Variants in SH3GL2 observed in about 807,000 individuals in gnomAD.
SH3GL2 encodes the protein endophilin-A1.
SH3GL2 carries 24 observed loss-of-function variants against 46.0 expected under a neutral mutation model. That is an observed-to-expected ratio of 0.52 (90% CI 0.38 to 0.73). SH3GL2 has a LOEUF of 0.73. SH3GL2 is among the 30% of genes least tolerant of loss of function. SH3GL2 has a pLI of 0.00. For missense variants in SH3GL2, 413 were observed against 424.2 expected (o/e 0.97, Z 0.23); for synonymous variants, 196 against 147.1 (o/e 1.33, Z -2.40).
chr9:17,751,562 G>T (rs139174946), intron 2 of SH3GL2, among the ~76,000 whole-genome samples: 1 of 151,004 alleles, frequency 6.6e-6, no homozygotes, highest in Non-Finnish European at 1.5e-5. Flanking sequence ...TGACCCCCTT[G>T]TTCCCACCGC....
intron 1 of SH3GL2, among the ~76,000 whole-genome samples, chr9:17,611,110 T>C (rs1588171626): frequency 6.6e-6 from 1 of 152,224 alleles, no homozygotes. Flanking sequence ...TCTTTAATTT[T>C]TGATGTTCAT....
intron 2 of SH3GL2, among the ~76,000 whole-genome samples, chr9:17,754,384 G>T (rs1309319017): frequency 6.6e-6 from 1 of 152,022 alleles, no homozygotes; most frequent in Non-Finnish European, 1.5e-5. Context: ...TTCTTGTAAA[G>T]AACTTTTGGC....
At chr9:17,732,005 T>C (rs1004631146) in intron 1 of SH3GL2, among the ~76,000 whole-genome samples, 3 of 152,114 alleles carry the variant, frequency 2.0e-5, no homozygotes, top group African/African-American at 7.2e-5. Flanking sequence ...GAGGAGATAC[T>C]GTGATAGGGA....
At chr9:17,656,330 A>G (rs544006197) in intron 1 of SH3GL2, among the ~76,000 whole-genome samples, 2 of 152,102 alleles carry the variant, frequency 1.3e-5, no homozygotes, top group Non-Finnish European at 2.9e-5. Context: ...TAACCAACTA[A>G]TGTATCATAA....
At chr9:17,651,066 C>G (rs1819946009) in intron 1 of SH3GL2, among the ~76,000 whole-genome samples, 1 of 151,920 alleles carries the variant, frequency 6.6e-6, no homozygotes, top group South Asian at 2.1e-4. Flanking sequence ...TATTTTGTTT[C>G]TTGGCTTTGC....
chr9:17,592,280 C>A lies in SH3GL2; in HGVS notation c.45+12993C>A, dbSNP rs1042401452. Among the ~76,000 whole-genome samples, 7 of 152,286 alleles carry A rather than the reference C, an allele frequency of 4.6e-5. No homozygotes were observed. The South Asian group carries it at 1.2e-3, about 27-fold the overall frequency. ...CCTCAAGCGATTGGATGTCTGCTGC[C>A]CTCAGATCTTCTTTGCTCAGTCTAC... On this transcript the variant is annotated intron_variant, in intron 1 of 8. Coordinates refer to ENST00000380607, the MANE Select transcript of SH3GL2 (RefSeq NM_003026.5).
At chr9:17,784,759 C>A (rs1251512542) in intron 3 of SH3GL2, among the ~76,000 whole-genome samples, 1 of 152,106 alleles carries the variant, frequency 6.6e-6, no homozygotes, top group African/African-American at 2.4e-5. Context: ...GCTGTGTCAC[C>A]CAGAGTGGAG....
chr9:17,792,356 T>G (rs1284464527), intron 7 of SH3GL2, among the ~76,000 whole-genome samples: 7 of 152,244 alleles, frequency 4.6e-5, no homozygotes, highest in Non-Finnish European at 1.5e-5. Flanking sequence ...TAATGTCTCT[T>G]GAGCATGAAG....
chr9:17,596,015 A>G (rs114147877), intron 1 of SH3GL2, among the ~76,000 whole-genome samples: 2,098 of 152,168 alleles, frequency 0.014, 45 homozygotes, highest in African/African-American at 0.048. Context: ...TTTCCACTTC[A>G]TCGTCTTTAC....
intron 1 of SH3GL2, among the ~76,000 whole-genome samples, chr9:17,611,805 A>G (rs934235010): frequency 3.9e-5 from 6 of 152,198 alleles, no homozygotes; most frequent in Non-Finnish European, 7.3e-5. Context: ...TGCCAACAGA[A>G]GGAGACATCA....
chr9:17,700,357 G>A (rs1821316784), intron 1 of SH3GL2, among the ~76,000 whole-genome samples: 1 of 152,120 alleles, frequency 6.6e-6, no homozygotes, highest in African/African-American at 2.4e-5. Context: ...GATTTACCCA[G>A]TAGCAAAACT....
chr9:17,721,334 A>T (rs1821889451), intron 1 of SH3GL2, among the ~76,000 whole-genome samples: 1 of 152,128 alleles, frequency 6.6e-6, no homozygotes, highest in African/African-American at 2.4e-5. Context: ...AACAAAAGGA[A>T]ATTTAAACAA....
intron 1 of SH3GL2, among the ~76,000 whole-genome samples, chr9:17,642,403 G>A (rs2134646420): frequency 1.3e-5 from 2 of 152,204 alleles, no homozygotes; most frequent in East Asian, 3.9e-4. Context: ...CATTGCTTTT[G>A]GTGTTTTAGT....
rs1821382104 is a variant in SH3GL2 at position 17,703,285 on chromosome 9, CT to C, written c.46-43777del. On this transcript the variant is annotated intron_variant, in intron 1 of 8. Transcript: ENST00000380607. ...ATAAATAACTAGCTTGAGTGAATCT[CT>C]TTTCATAAAAATATTTAAGATGCAT... 2.0e-5 allele frequency among the ~76,000 whole-genome samples: 3 copies of C among 152,076 alleles called. No homozygotes were observed. In the South Asian group the frequency reaches 6.2e-4, roughly 32 times the overall value.
intron 1 of SH3GL2, among the ~76,000 whole-genome samples, chr9:17,688,066 C>T (rs529229602): frequency 1.1e-4 from 17 of 152,206 alleles, no homozygotes; most frequent in South Asian, 1.0e-3. Context: ...TCCCTGCTTT[C>T]ACCTAAGTTC....
chr9:17,631,928 A>G lies in SH3GL2; in HGVS notation c.45+52641A>G, dbSNP rs150358054. ...ATACTTTGTTATGGTTTTGAAATGT[A>G]TCTGATAATTCCTTTCTGGGCATGT... On this transcript the variant is annotated intron_variant, in intron 1 of 8. Transcript: ENST00000380607. Among the ~76,000 whole-genome samples the G allele has an allele frequency of 2.5e-3, 379 of 152,250 alleles. 1 individual carries two copies. Among genetic ancestry groups the G allele is most frequent in the African/African-American group, 8.3e-3 (344 of 41,546 alleles).
At chr9:17,764,152 G>A (rs1404578529) in intron 3 of SH3GL2, among the ~76,000 whole-genome samples, 1 of 152,138 alleles carries the variant, frequency 6.6e-6, no homozygotes, top group Non-Finnish European at 1.5e-5. Flanking sequence ...GGCAATTCGA[G>A]GTTGGTTTCA....
chr9:17,653,020 C>A (rs952307962), intron 1 of SH3GL2, among the ~76,000 whole-genome samples: 1 of 152,086 alleles, frequency 6.6e-6, no homozygotes, highest in Non-Finnish European at 1.5e-5. Flanking sequence ...GGGGTTTCTT[C>A]CATTTTATCC....
chr9:17,745,705 T>C (rs1440242477), intron 1 of SH3GL2, among the ~76,000 whole-genome samples: 1 of 152,022 alleles, frequency 6.6e-6, no homozygotes, highest in Non-Finnish European at 1.5e-5. Flanking sequence ...AACAAGGAGA[T>C]ATCAGAGCAT....
Sources: gnomAD v4.1 joint callset for allele counts (sites outside exome capture counted in the v4.1 genomes callset) on GRCh38, gnomAD v4.1.1 for gene constraint, MANE v1.5 for transcripts, NCBI Gene and HGNC (gene_info 2026-07-23, HGNC 2026-07-21) for gene names.